The following TAMM41 variants were observed in gnomAD, a reference collection of about 807,000 sequenced individuals.
The protein encoded by TAMM41 is phosphatidate cytidylyltransferase, mitochondrial.
A neutral mutation model predicts 44.1 loss-of-function variants in TAMM41; 36 were observed. The observed-to-expected ratio is 0.82, with a 90% confidence interval of 0.63 to 1.08. The LOEUF (loss-of-function observed/expected upper bound fraction) is 1.08, where lower values mean the gene tolerates loss of function less well. TAMM41 is among the 50% of genes least tolerant of loss of function. The pLI is 0.00. For missense variants in TAMM41, 417 were observed against 404.3 expected (o/e 1.03, Z -0.27); for synonymous variants, 164 against 153.1 (o/e 1.07, Z -0.53).
chr3:11,794,146 C>T (rs761498992), intron 7 of TAMM41, among the ~76,000 whole-genome samples: 2 of 124,266 alleles, frequency 1.6e-5, no homozygotes, highest in Admixed American at 8.8e-5. Context: ...TTACTTTCTT[C>T]AATTTTTTTT....
chr3:11,827,491 T>C (rs2078804398), intron 4 of TAMM41, among the ~76,000 whole-genome samples: 1 of 151,724 alleles, frequency 6.6e-6, no homozygotes, highest in African/African-American at 2.4e-5. Context: ...TGTATTTTAG[T>C]AGAGATGGAG....
chr3:11,791,043 C>T (rs1023164594), intron 7 of TAMM41, among the ~76,000 whole-genome samples: 3 of 152,198 alleles, frequency 2.0e-5, no homozygotes, highest in Admixed American at 2.0e-4. Flanking sequence ...GACTTGGAAT[C>T]CCTGTTTGGA....
At chr3:11,839,377 T>C (rs1383624801) in intron 2 of TAMM41, 63 bp from the exon 3 acceptor site, 2 of 1,077,722 alleles carry the variant, frequency 1.9e-6, no homozygotes, top group Non-Finnish European at 2.8e-6. Flanking sequence ...TATACAAGTA[T>C]AAAATATAAG....
At chr3:11,834,628 G>A (rs917135989) in intron 3 of TAMM41, among the ~76,000 whole-genome samples, 2 of 152,134 alleles carry the variant, frequency 1.3e-5, no homozygotes, top group African/African-American at 4.8e-5. Context: ...GGTAAAGTAT[G>A]ATAAAAATTT....
the TAMM41 span, among the ~76,000 whole-genome samples, chr3:11,736,862 A>G: frequency 1.3e-5 from 2 of 152,050 alleles, no homozygotes; most frequent in Non-Finnish European, 2.9e-5. Flanking sequence ...AGCCAAAGGG[A>G]GCTGGATAAT....
the TAMM41 span, among the ~76,000 whole-genome samples, chr3:11,733,004 G>GT: frequency 5.8e-3 from 453 of 77,950 alleles, 12 homozygotes; most frequent in South Asian, 0.086. Context: ...TTTTTTGTTT[G>GT]TTTGTTTGTT....
rs546562692 is a variant in TAMM41 at position 11,826,504 on chromosome 3, G to C, written c.562+3210C>G. On this transcript the variant is annotated intron_variant, in intron 4 of 7. Transcript: ENST00000455809. ...TGATCTCACCACTGCACTCTAGCTT[G>C]GGCGACAGAGTGAGACCTTGTCTCT... is the stretch of plus-strand genomic sequence containing the variant. 1.2e-4 allele frequency among the ~76,000 whole-genome samples: 17 copies of C among 146,320 alleles called. No individual in the cohort carries two copies. The South Asian group carries it at 3.5e-3, about 30-fold the overall frequency.
At chr3:11,733,062 G>GTT in the TAMM41 span, among the ~76,000 whole-genome samples, 1 of 143,680 alleles carries the variant, frequency 7.0e-6, no homozygotes, top group Admixed American at 7.3e-5. Context: ...GCAGTGGTAC[G>GTT]ATCTTGGCTC....
At chr3:11,781,386 C>G in the TAMM41 span, among the ~76,000 whole-genome samples, 1 of 152,010 alleles carries the variant, frequency 6.6e-6, no homozygotes, top group Non-Finnish European at 1.5e-5. Context: ...TATAATTTAC[C>G]CATATGTGGG....
chr3:11,756,357 G>C, the TAMM41 span, among the ~76,000 whole-genome samples: 1 of 152,170 alleles, frequency 6.6e-6, no homozygotes, highest in South Asian at 2.1e-4. Context: ...TGGCCATGCA[G>C]AGGAATAGGC....
the TAMM41 span, among the ~76,000 whole-genome samples, chr3:11,757,417 G>A: frequency 1.6e-4 from 25 of 152,256 alleles, no homozygotes; most frequent in African/African-American, 5.3e-4. Context: ...GCAGGGTAGC[G>A]TCCAAGAATC....
At chr3:11,785,832 G>C (rs146270905), downstream of TAMM41, among the ~76,000 whole-genome samples, 1 of 151,618 alleles carries the variant, frequency 6.6e-6, no homozygotes, top group Non-Finnish European at 1.5e-5. Flanking sequence ...TTGTCCAGGC[G>C]GGCCTCAAAC....
At chr3:11,769,280 G>A in the TAMM41 span, among the ~76,000 whole-genome samples, 5 of 152,104 alleles carry the variant, frequency 3.3e-5, no homozygotes, top group Non-Finnish European at 7.4e-5. Flanking sequence ...AGTAAAGATG[G>A]GGTTTCACCA....
the TAMM41 span, among the ~76,000 whole-genome samples, chr3:11,742,793 G>A: frequency 7.2e-6 from 1 of 139,464 alleles, no homozygotes; most frequent in Non-Finnish European, 1.5e-5. Flanking sequence ...CAGGGGTCTC[G>A]CCATGTTGTC....
chr3:11,833,532 G>C (rs765582059), intron 3 of TAMM41, among the ~76,000 whole-genome samples: 1 of 152,126 alleles, frequency 6.6e-6, no homozygotes, highest in Non-Finnish European at 1.5e-5. Flanking sequence ...TAAGGATGAA[G>C]AAGAAACGCT....
the TAMM41 span, among the ~76,000 whole-genome samples, chr3:11,756,050 T>C: frequency 6.6e-6 from 1 of 152,104 alleles, no homozygotes; most frequent in Non-Finnish European, 1.5e-5. Flanking sequence ...CTTTAAGACC[T>C]TAGCAATCAC....
chr3:11,781,421 G>A, the TAMM41 span, among the ~76,000 whole-genome samples: 3 of 152,096 alleles, frequency 2.0e-5, no homozygotes, highest in African/African-American at 2.4e-5. Context: ...ATGCTGAAGC[G>A]AAAGGGGAAT....
At chr3:11,804,130 C>T (rs1239798332) in intron 7 of TAMM41, among the ~76,000 whole-genome samples, 1 of 152,182 alleles carries the variant, frequency 6.6e-6, no homozygotes, top group African/African-American at 2.4e-5. Context: ...GAAGCAGCAT[C>T]AGCACTCCAG....
the TAMM41 span, among the ~76,000 whole-genome samples, chr3:11,754,550 A>G: frequency 0.57 from 85,476 of 150,872 alleles, 24,513 homozygotes; most frequent in African/African-American, 0.66. Flanking sequence ...AAAATTTTTT[A>G]TAGAGAAGGG....
Sources: allele counts gnomAD v4.1 joint callset (sites outside exome capture counted in the v4.1 genomes callset), GRCh38; gene constraint gnomAD v4.1.1; transcripts MANE v1.5; gene names NCBI Gene and HGNC (gene_info 2026-07-23, HGNC 2026-07-21).